Variants in MAF observed in about 807,000 individuals in gnomAD.
MAF encodes the protein transcription factor Maf.
Under a neutral mutation model 22.0 loss-of-function variants are expected in MAF, and 10 were observed. That is an observed-to-expected ratio of 0.45 (90% CI 0.28 to 0.77). The LOEUF is 0.77. MAF is among the 30% of genes least tolerant of loss of function. The pLI is 0.12. For synonymous variants in MAF, 337 were observed against 255.8 expected (o/e 1.32, Z -3.03); for missense variants, 544 against 548.4 (o/e 0.99, Z 0.08).
At chr16:79,333,388 A>G in the MAF span, among the ~76,000 whole-genome samples, 1 of 152,162 alleles carries the variant, frequency 6.6e-6, no homozygotes, top group South Asian at 2.1e-4. Context: ...TTTGCAGGGG[A>G]GAGTTCTGTA....
At chr16:79,386,984 C>G in the MAF span, among the ~76,000 whole-genome samples, 2 of 152,184 alleles carry the variant, frequency 1.3e-5, no homozygotes, top group South Asian at 4.1e-4. Flanking sequence ...AGCCATTGAG[C>G]TGCTTAACAA....
the MAF span, among the ~76,000 whole-genome samples, chr16:79,271,712 T>C: frequency 6.6e-6 from 1 of 152,356 alleles, no homozygotes; most frequent in African/African-American, 2.4e-5. Flanking sequence ...CCAAACATGA[T>C]TTGGAGCATG....
chr16:79,319,175 A>G, the MAF span, among the ~76,000 whole-genome samples: 1 of 152,142 alleles, frequency 6.6e-6, no homozygotes, highest in South Asian at 2.1e-4. Context: ...GTCAATGCCT[A>G]CTTTGGGGAG....
At chr16:79,408,078 C>CAA in the MAF span, among the ~76,000 whole-genome samples, 1,643 of 80,952 alleles carry the variant, frequency 0.02, 56 homozygotes, top group African/African-American at 0.028. Context: ...TTTTACCTTT[C>CAA]AAAAAAAAAA....
At chr16:79,450,740 T>C in the MAF span, among the ~76,000 whole-genome samples, 1 of 151,588 alleles carries the variant, frequency 6.6e-6, no homozygotes, top group Non-Finnish European at 1.5e-5. Flanking sequence ...TGGAGAGTAA[T>C]CAGAATTGTG....
At chr16:79,391,719 A>G in the MAF span, among the ~76,000 whole-genome samples, 1 of 152,148 alleles carries the variant, frequency 6.6e-6, no homozygotes, top group Non-Finnish European at 1.5e-5. Context: ...GGAAGAATGA[A>G]ATGGAAATGC....
the MAF span, among the ~76,000 whole-genome samples, chr16:79,315,329 G>A: frequency 1.3e-5 from 2 of 152,136 alleles, no homozygotes; most frequent in African/African-American, 4.8e-5. Flanking sequence ...ATGGATGGGG[G>A]AGAGTTGAAA....
At chr16:79,430,914 G>T in the MAF span, among the ~76,000 whole-genome samples, 1 of 152,124 alleles carries the variant, frequency 6.6e-6, no homozygotes, top group Non-Finnish European at 1.5e-5. Flanking sequence ...GTATATCCAA[G>T]AACTTGGGTT....
the MAF span, among the ~76,000 whole-genome samples, chr16:79,325,321 C>G: frequency 2.0e-5 from 3 of 152,178 alleles, no homozygotes; most frequent in Non-Finnish European, 4.4e-5. Flanking sequence ...CTGGCATTAT[C>G]ACGTGCTTCC....
At chr16:79,365,878 A>G in the MAF span, among the ~76,000 whole-genome samples, 1 of 152,222 alleles carries the variant, frequency 6.6e-6, no homozygotes, top group Non-Finnish European at 1.5e-5. Context: ...TCCGGAAAAC[A>G]TGTGGACTGG....
At chr16:79,224,312 C>G in the MAF span, among the ~76,000 whole-genome samples, 3 of 152,106 alleles carry the variant, frequency 2.0e-5, no homozygotes, top group Non-Finnish European at 2.9e-5. Flanking sequence ...ATTCAACAAC[C>G]CTTCATGCTA....
chr16:79,545,201 G>A, the MAF span, among the ~76,000 whole-genome samples: 2 of 152,156 alleles, frequency 1.3e-5, no homozygotes, highest in South Asian at 4.1e-4. Context: ...GTGAGAAAGG[G>A]CAGAACATGC....
chr16:79,258,046 G>A, the MAF span, among the ~76,000 whole-genome samples: 1 of 152,184 alleles, frequency 6.6e-6, no homozygotes, highest in Non-Finnish European at 1.5e-5. Flanking sequence ...CAAATGGCCA[G>A]ATAACATCGC....
At chr16:79,211,970 TC>T in the MAF span, 1 of 1,533,592 alleles carries the variant, frequency 6.5e-7, no homozygotes, top group Admixed American at 2.0e-5. Flanking sequence ...AGCAGGGAAT[TC>T]CTGGGGTAAA....
At chr16:79,471,772 T>C in the MAF span, among the ~76,000 whole-genome samples, 1 of 152,224 alleles carries the variant, frequency 6.6e-6, no homozygotes, top group South Asian at 2.1e-4. Context: ...TAAGTGGTCA[T>C]GTCAGGAATG....
the MAF span, among the ~76,000 whole-genome samples, chr16:79,322,077 C>T: frequency 2.0e-4 from 30 of 152,118 alleles, no homozygotes; most frequent in Middle Eastern, 0.017. Context: ...ACTAAAAATA[C>T]GAAAATTAGC....
the MAF span, among the ~76,000 whole-genome samples, chr16:79,466,450 T>C: frequency 2.0e-5 from 3 of 152,232 alleles, no homozygotes; most frequent in Admixed American, 2.0e-4. Flanking sequence ...AAAGAAAATA[T>C]TCAAGCATCT....
At chr16:79,287,221 G>T in the MAF span, among the ~76,000 whole-genome samples, 2 of 151,692 alleles carry the variant, frequency 1.3e-5, no homozygotes, top group African/African-American at 2.4e-5. Context: ...GTTTCAATTG[G>T]ATATGGTGTT....
At chr16:79,247,135 T>C in the MAF span, among the ~76,000 whole-genome samples, 65 of 152,302 alleles carry the variant, frequency 4.3e-4, 1 homozygote, top group African/African-American at 1.5e-3. Flanking sequence ...GGTGGTGATA[T>C]TTCAAGCAAG....
Sources: gnomAD v4.1 joint callset for allele counts (sites outside exome capture counted in the v4.1 genomes callset) on GRCh38, gnomAD v4.1.1 for gene constraint, MANE v1.5 for transcripts, NCBI Gene and HGNC (gene_info 2026-07-23, HGNC 2026-07-21) for gene names.